EVC2: variants seen among roughly 807,000 people sequenced by gnomAD.
EVC2 encodes EvC ciliary complex subunit 2.
EVC2 carries 148 observed loss-of-function variants against 149.3 expected under a neutral mutation model. The observed-to-expected ratio is 0.99, with a 90% confidence interval of 0.87 to 1.14. The LOEUF (loss-of-function observed/expected upper bound fraction) is 1.14. Ranked by LOEUF, EVC2 falls within the 50% of genes most tolerant of loss-of-function variation. The pLI, the probability that EVC2 is intolerant of heterozygous loss-of-function variation, is 0.00. For synonymous variants in EVC2, 776 were observed against 649.9 expected (o/e 1.19, Z -2.95); for missense variants, 1,854 against 1,627.3 (o/e 1.14, Z -2.40).
chr4:5,685,909 G>C lies in EVC2; in HGVS notation c.707-430C>G, dbSNP rs552166803. ...TGTGGCCGGGTGGGTGATGGAGCCC[G>C]TCTAACTCTGCCAGTCACTGTTCTC... On this transcript the variant is annotated intron_variant, in intron 5 of 21. Coordinates refer to ENST00000344408, the MANE Select transcript of EVC2 (RefSeq NM_147127.5). Among the ~76,000 whole-genome samples, 29 of 152,240 alleles carry C rather than the reference G, an allele frequency of 1.9e-4. No homozygotes were observed. In the East Asian group the frequency reaches 4.8e-3, roughly 25 times the overall value.
chr4:5,594,521 T>C (rs10007702), intron 16 of EVC2, among the ~76,000 whole-genome samples: 24,707 of 152,110 alleles, frequency 0.16, 2,820 homozygotes, highest in East Asian at 0.62. Context: ...TCTTGTCTGT[T>C]AGAAGGAAAA....
rs143540515 is a variant in EVC2 at position 5,584,337 on chromosome 4, C to A, written c.3057+286G>T. ...TAATAGGAAGATACACTGTTGTCCTCCCTAGCACAATGAAAGAAACAATAC... is the reference window on the plus strand; with the variant it reads ...TAATAGGAAGATACACTGTTGTCCTACCTAGCACAATGAAAGAAACAATAC... On this transcript the variant is annotated intron_variant, in intron 17 of 21. Coordinates refer to ENST00000344408, the MANE Select transcript of EVC2 (RefSeq NM_147127.5). 8.2e-4 allele frequency among the ~76,000 whole-genome samples: 125 copies of A among 152,260 alleles called. 1 individual carries two copies. The East Asian group carries it at 0.022, about 27-fold the overall frequency.
At chr4:5,703,015 C>T (rs1721921675) in intron 1 of EVC2, among the ~76,000 whole-genome samples, 1 of 152,192 alleles carries the variant, frequency 6.6e-6, no homozygotes, top group Non-Finnish European at 1.5e-5. Context: ...ATTATTACTA[C>T]ATATTACTAT....
intron 7 of EVC2, among the ~76,000 whole-genome samples, 191 bp downstream of exon 7, chr4:5,681,069 C>T (rs762646551): frequency 3.9e-5 from 6 of 152,200 alleles, no homozygotes; most frequent in Non-Finnish European, 7.3e-5. Context: ...GGTGGAGGGT[C>T]ATCCAGGGAA....
At chr4:5,683,800 A>C (rs950448886) in intron 6 of EVC2, among the ~76,000 whole-genome samples, 1 of 151,902 alleles carries the variant, frequency 6.6e-6, no homozygotes, top group Non-Finnish European at 1.5e-5. Flanking sequence ...GGCCAGGAAC[A>C]CACACAGCTG....
intron 9 of EVC2, among the ~76,000 whole-genome samples, chr4:5,658,066 AGT>A (rs1339191268): frequency 6.6e-6 from 1 of 152,142 alleles, no homozygotes; most frequent in Non-Finnish European, 1.5e-5. Flanking sequence ...CTCTGACCAT[AGT>A]GTAGAATCAA....
chr4:5,676,075 C>T (rs1374180991), intron 7 of EVC2, among the ~76,000 whole-genome samples: 3 of 152,180 alleles, frequency 2.0e-5, no homozygotes, highest in Non-Finnish European at 4.4e-5. Flanking sequence ...ATCTGTTCTC[C>T]TGGTGCCCGG....
intron 9 of EVC2, among the ~76,000 whole-genome samples, chr4:5,654,676 G>GC (rs1387749484): frequency 1.0e-3 from 152 of 152,282 alleles, no homozygotes; most frequent in African/African-American, 3.5e-3. Context: ...TGGAACATAG[G>GC]CTTGGCCTGG....
At chr4:5,575,100 A>C (rs1408438797) in intron 18 of EVC2, among the ~76,000 whole-genome samples, 1 of 152,166 alleles carries the variant, frequency 6.6e-6, no homozygotes, top group Non-Finnish European at 1.5e-5. Flanking sequence ...GGTGATGACC[A>C]AGAAGACCAA....
chr4:5,671,775 G>A (rs1719666654), intron 7 of EVC2, among the ~76,000 whole-genome samples: 1 of 152,230 alleles, frequency 6.6e-6, no homozygotes, highest in African/African-American at 2.4e-5. Context: ...CTCCCAAAGT[G>A]TTGGGATTAC....
At chr4:5,704,080 C>A (rs971833793) in intron 1 of EVC2, among the ~76,000 whole-genome samples, 1 of 152,046 alleles carries the variant, frequency 6.6e-6, no homozygotes, top group Non-Finnish European at 1.5e-5. Flanking sequence ...GGGAAGCCAC[C>A]GTGAGCTACT....
intron 16 of EVC2, among the ~76,000 whole-genome samples, chr4:5,589,348 G>A (rs532294767): frequency 1.3e-5 from 2 of 152,270 alleles, no homozygotes; most frequent in African/African-American, 2.4e-5. Context: ...TGTAAATGCT[G>A]AGTATTCTTC....
At chr4:5,692,662 T>C (rs1234802809) in intron 3 of EVC2, among the ~76,000 whole-genome samples, 1 of 149,334 alleles carries the variant, frequency 6.7e-6, no homozygotes, top group Non-Finnish European at 1.5e-5. Context: ...GGTCAGGAGA[T>C]CGAGACCATC....
Position 5,637,062 on chromosome 4 carries a change from G to A in EVC2, c.1470+3452C>T, listed in dbSNP as rs957914639. 6.6e-6 allele frequency among the ~76,000 whole-genome samples: 1 copy of A among 152,172 alleles called. No homozygotes were observed. Among genetic ancestry groups the A allele is most frequent in the African/African-American group, 2.4e-5 (1 of 41,436 alleles). ...CTGGCTTGCAAGGTGGTGTGGGTGG[G>A]AGAGACAGGCTGCAGAAAAGCCCTG... On this transcript the variant is annotated intron_variant, in intron 10 of 21. Transcript: ENST00000344408. The surrounding 1 kb of genome is among the most constrained non-coding windows in gnomAD (Gnocchi z 4.4).
intron 16 of EVC2, among the ~76,000 whole-genome samples, chr4:5,603,806 G>A (rs984597475): frequency 6.6e-6 from 1 of 152,188 alleles, no homozygotes; most frequent in Non-Finnish European, 1.5e-5. Flanking sequence ...GGGTGAAGAG[G>A]AAATATGGTT....
intron 18 of EVC2, among the ~76,000 whole-genome samples, chr4:5,575,891 T>C (rs1002155149): frequency 4.6e-5 from 7 of 152,222 alleles, no homozygotes; most frequent in African/African-American, 1.7e-4. Context: ...ACAATGTCAA[T>C]TCACATACCA....
Position 5,613,821 on chromosome 4 carries a change from G to A in EVC2, c.2829+1601C>T, listed in dbSNP as rs1715035182. Among the ~76,000 whole-genome samples the A allele has an allele frequency of 6.6e-6, 1 of 152,060 alleles. No individual in the cohort carries two copies. Among genetic ancestry groups the A allele is most frequent in the Non-Finnish European group, 1.5e-5 (1 of 68,028 alleles). ...GCTGTTCAATTTCATATAGAACCTG[G>A]GTGAGAATAGGGTTGCCACTTCCTG... is the stretch of plus-strand genomic sequence containing the variant. On this transcript the variant is annotated intron_variant, in intron 16 of 21. Coordinates refer to ENST00000344408, the MANE Select transcript of EVC2 (RefSeq NM_147127.5). This position sits in a 1 kb window ranked among gnomAD's most constrained non-coding sequence, Gnocchi z 4.6.
chr4:5,649,421 C>T (rs1009789196), intron 9 of EVC2, among the ~76,000 whole-genome samples: 1 of 152,146 alleles, frequency 6.6e-6, no homozygotes, highest in South Asian at 2.1e-4. Context: ...GGAAACAGTA[C>T]CGCTTAAATT....
At chr4:5,595,479 G>C (rs1713305138) in intron 16 of EVC2, among the ~76,000 whole-genome samples, 1 of 152,108 alleles carries the variant, frequency 6.6e-6, no homozygotes, top group Non-Finnish European at 1.5e-5. Flanking sequence ...AGCTTCATAA[G>C]TGAAGGACAA....
Sources: gnomAD v4.1 joint callset for allele counts (sites outside exome capture counted in the v4.1 genomes callset) on GRCh38, gnomAD v4.1.1 for gene constraint, Gnocchi (gnomAD v3.1) non-coding constraint, MANE v1.5 for transcripts, NCBI Gene and HGNC (gene_info 2026-07-23, HGNC 2026-07-21) for gene names.